Variants in PTPRN2 observed in about 807,000 individuals in gnomAD.
PTPRN2 encodes receptor-type tyrosine-protein phosphatase N2.
A neutral mutation model predicts 118.8 loss-of-function variants in PTPRN2; 74 were observed. That is an observed-to-expected ratio of 0.62 (90% CI 0.52 to 0.76). The LOEUF is 0.76. Among genes scored for constraint, PTPRN2 ranks in the 30% least tolerant of loss-of-function variants. The pLI is 0.00. For synonymous variants in PTPRN2, 641 were observed against 608.0 expected, an observed-to-expected ratio of 1.05 and a Z score of -0.80; for missense variants, 1,481 against 1,394.4, an observed-to-expected ratio of 1.06 and a Z score of -0.99.
Position 158,242,609 on chromosome 7 carries a change from A to G in PTPRN2, c.278-37336T>C, listed in dbSNP as rs146616910. Among the ~76,000 whole-genome samples, 262 of 152,326 alleles carry G rather than the reference A, an allele frequency of 1.7e-3. 1 individual carries two copies. The highest frequency in any genetic ancestry group is 6.0e-3 in the African/African-American group (249 of 41,582). ...TTTGGAAGAGTTTGAGAAGATGGGTATTAGTTCTTCTGGAAGTGTCTGGTA... is the reference window on the plus strand; with the variant it reads ...TTTGGAAGAGTTTGAGAAGATGGGTGTTAGTTCTTCTGGAAGTGTCTGGTA... On this transcript the variant is annotated intron_variant, in intron 3 of 22. Coordinates refer to ENST00000389418, the MANE Select transcript of PTPRN2 (RefSeq NM_002847.5).
At chr7:157,915,489 T>G (rs1798346671) in intron 11 of PTPRN2, among the ~76,000 whole-genome samples, 1 of 123,386 alleles carries the variant, frequency 8.1e-6, no homozygotes, top group Non-Finnish European at 1.6e-5. Flanking sequence ...GGAACAGCGC[T>G]GAACGCAAGC....
intron 6 of PTPRN2, among the ~76,000 whole-genome samples, chr7:158,163,595 C>CAA (rs1822576875): frequency 1.3e-5 from 2 of 149,708 alleles, no homozygotes; most frequent in Non-Finnish European, 1.5e-5. Flanking sequence ...CTGTATATTT[C>CAA]ATAGGTGGCG....
At chr7:158,029,191 G>C (rs1273878575) in intron 11 of PTPRN2, 1 of 128,694 alleles carries the variant, frequency 7.8e-6, no homozygotes, top group Non-Finnish European at 1.7e-5. Context: ...TCCACTCGCC[G>C]GGGGCACGGG....
chr7:158,498,560 T>A (rs1822118914), intron 1 of PTPRN2, among the ~76,000 whole-genome samples: 1 of 152,218 alleles, frequency 6.6e-6, no homozygotes, highest in Non-Finnish European at 1.5e-5. Flanking sequence ...AGCTCTTGGT[T>A]TTTAATCGGC....
Position 158,469,070 on chromosome 7 carries a change from T to A in PTPRN2, c.163+20665A>T, listed in dbSNP as rs1733142. On this transcript the variant is annotated intron_variant, in intron 2 of 22. Transcript: ENST00000389418. ...CACTATGCACACCCACACACACTCC[T>A]GGTGGATCAACACTATGCACACCCA... Among the ~76,000 whole-genome samples the A allele has an allele frequency of 1.0e-3, 145 of 140,626 alleles. 2 individuals are homozygous for A. Among genetic ancestry groups the A allele is most frequent in the East Asian group, 1.7e-3 (8 of 4,652 alleles). The allele number at this position is 140,626 out of a possible 152,430, so 92.3% of individuals were successfully genotyped here. A position where few individuals can be genotyped will look rare whatever the true frequency, so the allele number is the denominator to read the frequency against.
intron 6 of PTPRN2, among the ~76,000 whole-genome samples, chr7:158,155,534 A>T (rs1821657264): frequency 8.3e-6 from 1 of 121,108 alleles, no homozygotes; most frequent in Admixed American, 8.2e-5. Context: ...CACCATCAGC[A>T]CTATCATCAC....
intron 11 of PTPRN2, among the ~76,000 whole-genome samples, chr7:157,936,724 C>A (rs1799729812): frequency 6.6e-6 from 1 of 151,650 alleles, no homozygotes; most frequent in Non-Finnish European, 1.5e-5. Context: ...CGTGTCTCCT[C>A]CACTCGGAAG....
intron 6 of PTPRN2, among the ~76,000 whole-genome samples, chr7:158,149,783 G>C (rs1191706530): frequency 6.9e-6 from 1 of 144,472 alleles, no homozygotes; most frequent in Non-Finnish European, 1.5e-5. Context: ...CAGCCTGAGT[G>C]ACAGAGCAAG....
chr7:157,876,652 C>T (rs1563198508), intron 12 of PTPRN2, among the ~76,000 whole-genome samples: 1 of 152,284 alleles, frequency 6.6e-6, no homozygotes, highest in African/African-American at 2.4e-5. Context: ...GACCAGCGCC[C>T]CCACGTGGGG....
intron 21 of PTPRN2, among the ~76,000 whole-genome samples, chr7:157,555,017 G>C (rs1798812664): frequency 6.7e-6 from 1 of 148,508 alleles, no homozygotes; most frequent in Non-Finnish European, 1.5e-5. Context: ...CACCGGCCAA[G>C]TCAGTTTGGG....
chr7:157,708,237 C>G (rs1383861931), intron 12 of PTPRN2, among the ~76,000 whole-genome samples: 2 of 152,224 alleles, frequency 1.3e-5, no homozygotes, highest in African/African-American at 4.8e-5. Flanking sequence ...GAAGCTCAGG[C>G]ACATCCTCTC....
At chr7:157,973,426 C>T (rs1357682709) in intron 11 of PTPRN2, among the ~76,000 whole-genome samples, 2 of 152,178 alleles carry the variant, frequency 1.3e-5, no homozygotes, top group African/African-American at 4.8e-5. Context: ...TCCAGACATC[C>T]ACAGACTTCT....
At chr7:157,921,142 G>A (rs1798671292) in intron 11 of PTPRN2, among the ~76,000 whole-genome samples, 1 of 152,164 alleles carries the variant, frequency 6.6e-6, no homozygotes, top group African/African-American at 2.4e-5. Context: ...ATCATTCAGG[G>A]CTAAAACGGA....
intron 19 of PTPRN2, among the ~76,000 whole-genome samples, chr7:157,575,627 C>G (rs2150522783): frequency 6.6e-6 from 1 of 152,324 alleles, no homozygotes; most frequent in South Asian, 2.1e-4. Flanking sequence ...AAGAATTCCA[C>G]AGAGAATTCA....
Position 158,329,524 on chromosome 7 carries a change from C to T in PTPRN2, c.164-12592G>A, listed in dbSNP as rs141762189. On this transcript the variant is annotated intron_variant, in intron 2 of 22. Coordinates refer to ENST00000389418, the MANE Select transcript of PTPRN2 (RefSeq NM_002847.5). ...CTCACGCTCCAGCCACATGAGGACACGTGAGGAGGCACCGTCGATGAGCCA... is the reference window on the plus strand; with the variant it reads ...CTCACGCTCCAGCCACATGAGGACATGTGAGGAGGCACCGTCGATGAGCCA... Among the ~76,000 whole-genome samples, 108 of 152,280 alleles carry T rather than the reference C, an allele frequency of 7.1e-4. 1 individual carries two copies. The highest frequency in any genetic ancestry group is 2.4e-3 in the African/African-American group (100 of 41,562).
At chr7:157,790,321 CG>C (rs1391251264) in intron 12 of PTPRN2, among the ~76,000 whole-genome samples, 1 of 149,324 alleles carries the variant, frequency 6.7e-6, no homozygotes, top group African/African-American at 2.5e-5. Context: ...GTGTGTGGTG[CG>C]GGGGTGGCAG....
intron 3 of PTPRN2, among the ~76,000 whole-genome samples, chr7:158,262,172 CT>C (rs1412083688): frequency 5.9e-5 from 9 of 152,316 alleles, no homozygotes; most frequent in South Asian, 4.1e-4. Context: ...CGGTTCACTC[CT>C]GCCTCCCTCC....
chr7:158,168,400 G>T (rs1823227179), intron 5 of PTPRN2, among the ~76,000 whole-genome samples: 2 of 152,188 alleles, frequency 1.3e-5, no homozygotes, highest in Non-Finnish European at 2.9e-5. Flanking sequence ...GCATCTTTGT[G>T]TGCCCTTATT....
chr7:158,174,148 G>A (rs968278263), intron 5 of PTPRN2, among the ~76,000 whole-genome samples: 2 of 152,182 alleles, frequency 1.3e-5, no homozygotes, highest in Non-Finnish European at 2.9e-5. Context: ...AGTAAAAACA[G>A]GCATAAGAAA....
Sources: gnomAD v4.1 joint callset for allele counts (sites outside exome capture counted in the v4.1 genomes callset) on GRCh38, gnomAD v4.1.1 for gene constraint, MANE v1.5 for transcripts, NCBI Gene and HGNC (gene_info 2026-07-23, HGNC 2026-07-21) for gene names.